The following SLC14A2 variants were observed in gnomAD, a reference collection of about 807,000 sequenced individuals.
SLC14A2 encodes solute carrier family 14 member 2.
SLC14A2 carries 91 observed loss-of-function variants against 104.6 expected under a neutral mutation model. The observed-to-expected ratio is 0.87, with a 90% confidence interval of 0.73 to 1.04. The LOEUF is 1.04. Ranked by LOEUF, SLC14A2 falls within the 50% of genes least tolerant of loss-of-function variation. The pLI, the probability that SLC14A2 is intolerant of heterozygous loss-of-function variation, is 0.00. For missense variants in SLC14A2, 1,189 were observed against 1,156.0 expected, an observed-to-expected ratio of 1.03 and a Z score of -0.41; for synonymous variants, 476 against 466.4, an observed-to-expected ratio of 1.02 and a Z score of -0.27.
chr18:45,358,289 C>T (rs759677912), intron 1 of SLC14A2, among the ~76,000 whole-genome samples: 6 of 152,134 alleles, frequency 3.9e-5, no homozygotes, highest in Non-Finnish European at 7.4e-5. Flanking sequence ...TGATTAATGA[C>T]GCTTGGACAG....
upstream of SLC14A2, among the ~76,000 whole-genome samples, chr18:45,211,847 G>T (rs1489963565): frequency 2.0e-5 from 3 of 152,178 alleles, no homozygotes; most frequent in Admixed American, 2.0e-4. Context: ...ACCTGAGTGG[G>T]CTGAGTTAAG....
intron 1 of SLC14A2, among the ~76,000 whole-genome samples, chr18:45,295,497 G>A (rs1306794949): frequency 3.3e-5 from 5 of 152,134 alleles, no homozygotes; most frequent in Non-Finnish European, 2.9e-5. Context: ...GCTTTCCACC[G>A]CTGAAGAGGA....
intron 8 of SLC14A2, 51 bp from the exon 9 acceptor site, chr18:45,643,081 T>G: frequency 1.3e-6 from 2 of 1,583,004 alleles, no homozygotes; most frequent in Non-Finnish European, 1.7e-6. Context: ...GGCAGTGGCT[T>G]AGGGGGAAGG....
At chr18:45,617,463 C>T (rs907184283) in intron 1 of SLC14A2, among the ~76,000 whole-genome samples, 1 of 152,042 alleles carries the variant, frequency 6.6e-6, no homozygotes, top group Non-Finnish European at 1.5e-5. Flanking sequence ...CCCAGTGAGT[C>T]AGTCTCCTCT....
At chr18:45,317,227 T>C (rs985638404) in intron 1 of SLC14A2, among the ~76,000 whole-genome samples, 5 of 152,166 alleles carry the variant, frequency 3.3e-5, no homozygotes, top group African/African-American at 1.2e-4. Flanking sequence ...ACTTAGAGTC[T>C]AATAGATAGA....
At chr18:45,504,653 TTTGA>T (rs1369418140) in intron 2 of SLC14A2, among the ~76,000 whole-genome samples, 1 of 152,220 alleles carries the variant, frequency 6.6e-6, no homozygotes, top group African/African-American at 2.4e-5. Context: ...CATAAAAATA[TTTGA>T]GTTACACATC....
intron 1 of SLC14A2, among the ~76,000 whole-genome samples, chr18:45,454,918 A>T (rs2086916879): frequency 6.6e-6 from 1 of 152,172 alleles, no homozygotes; most frequent in African/African-American, 2.4e-5. Context: ...CTTGTAGTAT[A>T]GTTTGAAGTC....
chr18:45,202,262 G>T, the SLC14A2 span, among the ~76,000 whole-genome samples: 1 of 152,132 alleles, frequency 6.6e-6, no homozygotes, highest in Admixed American at 6.6e-5. Flanking sequence ...AGCATGCTGA[G>T]CCTTTGGAAA....
chr18:45,634,738 G>C (rs1205969762), intron 5 of SLC14A2: 1 of 447,114 alleles, frequency 2.2e-6, no homozygotes, highest in African/African-American at 2.0e-5. Flanking sequence ...TTCTATATCA[G>C]CTGTGATAGA....
chr18:45,177,425 T>C, the SLC14A2 span, among the ~76,000 whole-genome samples: 1 of 152,218 alleles, frequency 6.6e-6, no homozygotes, highest in Non-Finnish European at 1.5e-5. Context: ...GGCAGGGCCC[T>C]ACCTGAGCTG....
intron 1 of SLC14A2, among the ~76,000 whole-genome samples, chr18:45,460,323 C>G (rs1240412237): frequency 6.6e-6 from 1 of 152,202 alleles, no homozygotes; most frequent in Non-Finnish European, 1.5e-5. Context: ...CCCACCACCA[C>G]CTCCATGCTG....
At chr18:45,383,129 A>G (rs925022737) in intron 1 of SLC14A2, among the ~76,000 whole-genome samples, 7 of 152,220 alleles carry the variant, frequency 4.6e-5, no homozygotes, top group African/African-American at 1.4e-4. Context: ...CAAACTAAAA[A>G]CCAGAGAAGA....
chr18:45,580,128 G>T (rs1185287792), intron 2 of SLC14A2, among the ~76,000 whole-genome samples: 2 of 152,184 alleles, frequency 1.3e-5, no homozygotes, highest in Non-Finnish European at 2.9e-5. Context: ...TTTGTGTTTA[G>T]GAAGAAGTCT....
At chr18:45,196,389 T>A in the SLC14A2 span, among the ~76,000 whole-genome samples, 1 of 152,330 alleles carries the variant, frequency 6.6e-6, no homozygotes, top group African/African-American at 2.4e-5. Context: ...TTATTGTGGA[T>A]CACAGCTGAA....
chr18:45,327,292 T>G (rs2085245161), intron 1 of SLC14A2, among the ~76,000 whole-genome samples: 1 of 152,174 alleles, frequency 6.6e-6, no homozygotes, highest in Non-Finnish European at 1.5e-5. Context: ...CTTTTTCTAG[T>G]AATAAGGGCC....
chr18:45,663,915 T>C lies in SLC14A2; in HGVS notation c.1474+8T>C. On this transcript the variant is annotated splice_region_variant and intron_variant, in intron 11 of 19. Transcript: ENST00000255226. Reference sequence around the variant, plus strand: ...TTCGGAGGAGGAGCAAAGGTGTGCATGTCCTCCCCCTCACGCTTGGATCCC... The same window carrying C: ...TTCGGAGGAGGAGCAAAGGTGTGCACGTCCTCCCCCTCACGCTTGGATCCC... The C allele has an allele frequency of 1.2e-6, 2 of 1,608,300 alleles. No homozygotes were observed. The highest frequency in any genetic ancestry group is 2.2e-5 in the South Asian group (2 of 90,222).
At chr18:45,361,718 A>G (rs1357321711) in intron 1 of SLC14A2, among the ~76,000 whole-genome samples, 1 of 152,202 alleles carries the variant, frequency 6.6e-6, no homozygotes, top group Non-Finnish European at 1.5e-5. Context: ...CCTCTCGGCC[A>G]GGGCTGCTCG....
In SLC14A2 at chr18:45,640,231, G is replaced by A. The variant is rs766539015; in HGVS notation, c.991+338G>A. Reference sequence around the variant, plus strand: ...GTGGAGGTTGCAATGAGCCAAGATCGTACCACCTCACTCCAGCCTGGGAAA... The same window carrying A: ...GTGGAGGTTGCAATGAGCCAAGATCATACCACCTCACTCCAGCCTGGGAAA... On this transcript the variant is annotated intron_variant, in intron 7 of 19. Transcript: ENST00000255226. Among the ~76,000 whole-genome samples the A allele has an allele frequency of 3.3e-5, 5 of 151,586 alleles. No individual in the cohort carries two copies. The South Asian group carries it at 6.3e-4, about 19-fold the overall frequency.
At chr18:45,411,367 A>G (rs567499040) in intron 1 of SLC14A2, among the ~76,000 whole-genome samples, 1 of 152,352 alleles carries the variant, frequency 6.6e-6, no homozygotes, top group African/African-American at 2.4e-5. Context: ...ACTCAGTCTT[A>G]GGACACAAAG....
Sources: allele counts gnomAD v4.1 joint callset (sites outside exome capture counted in the v4.1 genomes callset), GRCh38; gene constraint gnomAD v4.1.1; transcripts MANE v1.5; gene names NCBI Gene and HGNC (gene_info 2026-07-23, HGNC 2026-07-21).